WDPCP: variants seen among roughly 807,000 people sequenced by gnomAD.
The protein encoded by WDPCP is WD repeat containing planar cell polarity effector.
In WDPCP, 71 loss-of-function variants were observed where a neutral mutation model predicts 93.1. The ratio of observed to expected loss-of-function variants is 0.76; its 90% CI spans 0.63 to 0.93. The LOEUF (loss-of-function observed/expected upper bound fraction) is 0.93. WDPCP is among the 40% of genes least tolerant of loss of function. The pLI, the probability that WDPCP is intolerant of heterozygous loss-of-function variation, is 0.00. For missense variants in WDPCP, 844 were observed against 887.4 expected (o/e 0.95, Z 0.62); for synonymous variants, 315 against 315.0 (o/e 1.00, Z 0.00).
At chr2:63,280,979 G>A (rs930382477) in intron 13 of WDPCP, among the ~76,000 whole-genome samples, 1 of 152,214 alleles carries the variant, frequency 6.6e-6, no homozygotes, top group South Asian at 2.1e-4. Context: ...AAGTAGATGG[G>A]ACTTAATTAA....
At chr2:63,153,074 A>G in intron 16 of WDPCP, 129 bp from the exon 17 acceptor site, 1 of 783,000 alleles carries the variant, frequency 1.3e-6, no homozygotes, top group Non-Finnish European at 2.1e-6. Context: ...AACTCTAGAG[A>G]AATAAAAAAC....
intron 14 of WDPCP, among the ~76,000 whole-genome samples, chr2:63,179,530 C>T (rs988765891): frequency 6.6e-6 from 1 of 151,800 alleles, no homozygotes; most frequent in Non-Finnish European, 1.5e-5. Context: ...CCCATTTCAC[C>T]TTCTGCCATG....
chr2:63,174,891 T>TA, intron 14 of WDPCP, 59 bp from the exon 15 acceptor site: 1 of 1,559,264 alleles, frequency 6.4e-7, no homozygotes, highest in Non-Finnish European at 8.8e-7. Context: ...CTAACTCCCT[T>TA]ATAAGTAAGA....
intron 14 of WDPCP, among the ~76,000 whole-genome samples, chr2:63,188,359 T>G (rs1296152819): frequency 1.3e-5 from 2 of 152,128 alleles, no homozygotes; most frequent in East Asian, 3.9e-4. Context: ...TATCTTCATT[T>G]TTTTTCTTTT....
intron 9 of WDPCP, among the ~76,000 whole-genome samples, chr2:63,416,504 C>CCCTTATAATAATATGAT (rs375812264): frequency 6.7e-6 from 1 of 149,320 alleles, no homozygotes. Flanking sequence ...TTGGATATGA[C>CCCTTATAATAATATGAT]ATTAGCATTA....
intron 1 of WDPCP, among the ~76,000 whole-genome samples, chr2:63,515,196 G>C (rs1444155074): frequency 6.6e-6 from 1 of 152,002 alleles, no homozygotes; most frequent in Non-Finnish European, 1.5e-5. Context: ...TATACCAGAG[G>C]AGTATTAATT....
intron 12 of WDPCP, among the ~76,000 whole-genome samples, chr2:63,364,580 TTA>T (rs994345902): frequency 6.6e-6 from 1 of 152,212 alleles, no homozygotes; most frequent in African/African-American, 2.4e-5. Context: ...CTCAGTGCTA[TTA>T]TATGTGGACC....
intron 2 of WDPCP, among the ~76,000 whole-genome samples, chr2:63,690,422 G>C (rs1668873496): frequency 6.6e-6 from 1 of 152,098 alleles, no homozygotes; most frequent in Non-Finnish European, 1.5e-5. Context: ...GTCCCACTTA[G>C]GAACATCCTA....
intron 12 of WDPCP, among the ~76,000 whole-genome samples, chr2:63,338,004 G>A (rs1688511069): frequency 6.6e-6 from 1 of 152,006 alleles, no homozygotes; most frequent in African/African-American, 2.4e-5. Flanking sequence ...TTTGCTTGAG[G>A]TAATCTCATT....
intron 8 of WDPCP, among the ~76,000 whole-genome samples, chr2:63,434,288 A>T (rs1696983647): frequency 2.0e-5 from 3 of 152,202 alleles, no homozygotes. Context: ...TGACAAGTTC[A>T]GTACTGCTGA....
chr2:63,672,508 T>C (rs1283585604), intron 2 of WDPCP, among the ~76,000 whole-genome samples: 4 of 152,184 alleles, frequency 2.6e-5, no homozygotes, highest in Non-Finnish European at 5.9e-5. Flanking sequence ...AATATAAATG[T>C]CTAAACAAGA....
chr2:63,235,319 C>T (rs1454869096), intron 14 of WDPCP, among the ~76,000 whole-genome samples: 1 of 152,056 alleles, frequency 6.6e-6, no homozygotes, highest in Non-Finnish European at 1.5e-5. Flanking sequence ...CTGAACAGAA[C>T]AGTAAACAAC....
At chr2:63,474,198 T>C (rs1201997748) in intron 6 of WDPCP, among the ~76,000 whole-genome samples, 1 of 152,238 alleles carries the variant, frequency 6.6e-6, no homozygotes, top group East Asian at 1.9e-4. Context: ...CATACAGAAT[T>C]GAAGAATATC....
intron 2 of WDPCP, among the ~76,000 whole-genome samples, chr2:63,770,581 T>G (rs1224329431): frequency 1.3e-5 from 2 of 151,996 alleles, no homozygotes; most frequent in Non-Finnish European, 2.9e-5. Context: ...TATAGTGGTG[T>G]GAATCAAAAC....
At chr2:63,521,810 A>C (rs929130482) in intron 1 of WDPCP, among the ~76,000 whole-genome samples, 1 of 152,194 alleles carries the variant, frequency 6.6e-6, no homozygotes, top group Non-Finnish European at 1.5e-5. Flanking sequence ...ATTAAAAAAC[A>C]CCAAAATTAC....
At chr2:63,189,577 G>GAT (rs1003862848) in intron 14 of WDPCP, among the ~76,000 whole-genome samples, 5 of 152,128 alleles carry the variant, frequency 3.3e-5, no homozygotes, top group African/African-American at 1.2e-4. Flanking sequence ...GATCTACATA[G>GAT]ATATATATAT....
chr2:63,518,176 C>T (rs1427145623), intron 1 of WDPCP: 1 of 152,248 alleles, frequency 6.6e-6, no homozygotes, highest in African/African-American at 2.4e-5. Flanking sequence ...GTATGAGCCA[C>T]CACGCCTGGC....
At chr2:63,811,871 T>C (rs773842512) in intron 2 of WDPCP, among the ~76,000 whole-genome samples, 2 of 152,108 alleles carry the variant, frequency 1.3e-5, no homozygotes, top group Non-Finnish European at 2.9e-5. Context: ...TTTGGTTTTC[T>C]TTTTGTTTTT....
intron 12 of WDPCP, among the ~76,000 whole-genome samples, chr2:63,321,931 C>CA (rs1360783475): frequency 3.9e-5 from 6 of 151,994 alleles, no homozygotes; most frequent in Non-Finnish European, 5.9e-5. Flanking sequence ...ATTATTGACA[C>CA]AAAAAAAGCT....
Sources: gnomAD v4.1 joint callset for allele counts (sites outside exome capture counted in the v4.1 genomes callset) on GRCh38, gnomAD v4.1.1 for gene constraint, MANE v1.5 for transcripts, NCBI Gene and HGNC (gene_info 2026-07-23, HGNC 2026-07-21) for gene names.